Variants in ARHGEF28 observed in about 807,000 individuals in gnomAD.
ARHGEF28 encodes 190 kDa guanine nucleotide exchange factor.
In ARHGEF28, 152 loss-of-function variants were observed where a neutral mutation model predicts 206.6. The ratio of observed to expected loss-of-function variants is 0.74; its 90% CI spans 0.64 to 0.84. The LOEUF (loss-of-function observed/expected upper bound fraction) is 0.84. Ranked by LOEUF, ARHGEF28 falls within the 40% of genes least tolerant of loss-of-function variation. The probability of loss-of-function intolerance (pLI) is 0.00; values close to 1 mark genes in which losing one functional copy is unlikely to be tolerated. For missense variants in ARHGEF28, 2,028 were observed against 2,073.2 expected, an observed-to-expected ratio of 0.98 and a Z score of 0.42; for synonymous variants, 763 against 776.4, an observed-to-expected ratio of 0.98 and a Z score of 0.29.
chr5:73,666,164 A>T (rs1745942314), intron 1 of ARHGEF28, among the ~76,000 whole-genome samples: 1 of 152,232 alleles, frequency 6.6e-6, no homozygotes, highest in African/African-American at 2.4e-5. Context: ...CCTGCTCCTG[A>T]GTAAGTCTAA....
intron 10 of ARHGEF28, among the ~76,000 whole-genome samples, chr5:73,836,875 A>G (rs1223879961): frequency 1.3e-5 from 2 of 151,946 alleles, no homozygotes; most frequent in African/African-American, 2.4e-5. Flanking sequence ...TTTTTTTTGC[A>G]TGTAGCTATC....
rs371445416 is a variant in ARHGEF28 at position 73,801,721 on chromosome 5, T to C, written c.1024+6330T>C. ...GAGCTTCTGTGTAGTCCTTTCTTTTTTTCTTTTCTCTTTTTTTGGGGAGTT... is the reference window on the plus strand; with the variant it reads ...GAGCTTCTGTGTAGTCCTTTCTTTTCTTCTTTTCTCTTTTTTTGGGGAGTT... On this transcript the variant is annotated intron_variant, in intron 9 of 35. Transcript: ENST00000513042. Among the ~76,000 whole-genome samples, 269 of 152,262 alleles carry C rather than the reference T, an allele frequency of 1.8e-3. 1 individual carries two copies. Among genetic ancestry groups the C allele is most frequent in the African/African-American group, 6.0e-3 (248 of 41,554 alleles).
chr5:73,805,726 A>G (rs1181748007), intron 9 of ARHGEF28, among the ~76,000 whole-genome samples: 3 of 152,176 alleles, frequency 2.0e-5, no homozygotes, highest in Non-Finnish European at 4.4e-5. Flanking sequence ...TTCAGTTAAC[A>G]TAGATACACA....
chr5:73,869,416 G>A (rs1278611463), intron 20 of ARHGEF28, among the ~76,000 whole-genome samples: 1 of 152,076 alleles, frequency 6.6e-6, no homozygotes, highest in Non-Finnish European at 1.5e-5. Flanking sequence ...GAAGAAATTG[G>A]TGTGTTCCAG....
chr5:73,794,519 T>C, intron 8 of ARHGEF28, 65 bp downstream of exon 8: 9 of 1,329,516 alleles, frequency 6.8e-6, no homozygotes, highest in Non-Finnish European at 8.3e-6. Context: ...GAAGATTTAG[T>C]GGTAATAAAA....
intron 22 of ARHGEF28, among the ~76,000 whole-genome samples, chr5:73,879,041 C>T (rs1440578839): frequency 1.3e-5 from 2 of 152,124 alleles, no homozygotes; most frequent in East Asian, 1.9e-4. Flanking sequence ...GTTCCATTCT[C>T]CCCGTCACTT....
chr5:73,812,248 T>G (rs759501443), intron 9 of ARHGEF28, among the ~76,000 whole-genome samples: 1 of 152,166 alleles, frequency 6.6e-6, no homozygotes, highest in Non-Finnish European at 1.5e-5. Flanking sequence ...TGGAGCAGGC[T>G]ATGCAGCTAT....
chr5:73,850,853 A>T (rs866090044), intron 13 of ARHGEF28, among the ~76,000 whole-genome samples: 1 of 152,250 alleles, frequency 6.6e-6, no homozygotes, highest in South Asian at 2.1e-4. Flanking sequence ...TAGACGGTAT[A>T]TTTAAAGACA....
At position 73,736,090 on chromosome 5, in the gene ARHGEF28, G is replaced by A. The variant is rs77555377; in HGVS notation, c.34-13747G>A. Among the ~76,000 whole-genome samples, 1,133 of 152,326 alleles carry A rather than the reference G, an allele frequency of 7.4e-3. 22 individuals carry two copies. Among genetic ancestry groups the A allele is most frequent in the African/African-American group, 0.026 (1,077 of 41,570 alleles). ...TAACACAGTGCCTGACACACATCAG[G>A]TATTTATTGAATGAAGGAATAAGAG... On this transcript the variant is annotated intron_variant, in intron 2 of 35. Transcript: ENST00000513042.
At chr5:73,923,441 A>G (rs1338333840) in intron 35 of ARHGEF28, among the ~76,000 whole-genome samples, 1 of 152,230 alleles carries the variant, frequency 6.6e-6, no homozygotes, top group Non-Finnish European at 1.5e-5. Context: ...ACATCAAAGT[A>G]TGCTACTGGT....
intron 35 of ARHGEF28, among the ~76,000 whole-genome samples, chr5:73,924,962 AT>A (rs1263794268): frequency 2.0e-5 from 3 of 152,230 alleles, no homozygotes; most frequent in Non-Finnish European, 2.9e-5. Flanking sequence ...CTTCAAAGAC[AT>A]TTTTCCTCCC....
intron 1 of ARHGEF28, among the ~76,000 whole-genome samples, chr5:73,681,798 G>C (rs886847809): frequency 6.6e-6 from 1 of 151,926 alleles, no homozygotes; most frequent in Non-Finnish European, 1.5e-5. Context: ...CTGGGCAACA[G>C]AGCGAAACTC....
intron 14 of ARHGEF28, among the ~76,000 whole-genome samples, chr5:73,855,365 T>G (rs1758952788): frequency 6.6e-6 from 1 of 152,200 alleles, no homozygotes; most frequent in South Asian, 2.1e-4. Flanking sequence ...ATTTCATAAT[T>G]AATAATATTT....
At chr5:73,838,234 A>G (rs991541324) in intron 10 of ARHGEF28, among the ~76,000 whole-genome samples, 1 of 146,046 alleles carries the variant, frequency 6.8e-6, no homozygotes, top group African/African-American at 2.6e-5. Context: ...ACAAAATCAC[A>G]AAGTCCATTA....
intron 31 of ARHGEF28, chr5:73,903,045 T>C (rs777265146): frequency 3.9e-5 from 6 of 152,230 alleles, no homozygotes; most frequent in Non-Finnish European, 8.8e-5. Flanking sequence ...TTCATCTCCA[T>C]TTTCAGCCTC....
chr5:73,813,401 A>T, intron 9 of ARHGEF28: 1 of 1,221,000 alleles, frequency 8.2e-7, no homozygotes, highest in Non-Finnish European at 1.1e-6. Context: ...TTGTCGGTCT[A>T]CACGCCTGAA....
At chr5:73,661,145 T>A (rs1002908039) in intron 1 of ARHGEF28, among the ~76,000 whole-genome samples, 3 of 152,368 alleles carry the variant, frequency 2.0e-5, no homozygotes, top group African/African-American at 7.2e-5. Context: ...CTTAGCCAGA[T>A]TGGCTGGATA....
At position 73,758,578 on chromosome 5, in the gene ARHGEF28, C is replaced by T. The variant is rs368078759; in HGVS notation, c.475+5376C>T. The stretch of plus-strand genomic sequence containing the variant: ...TTTTATTTTTATTTTTTTTTTGAGA[C>T]GAAGTCTCACTCTGTTGCCCAGGCT... On this transcript the variant is annotated intron_variant, in intron 4 of 35. Transcript: ENST00000513042. 3.4e-4 allele frequency among the ~76,000 whole-genome samples: 52 copies of T among 151,524 alleles called. 1 individual carries two copies. The South Asian group carries it at 7.9e-3, about 23-fold the overall frequency.
At position 73,735,410 on chromosome 5, in the gene ARHGEF28, C is replaced by A. The variant is rs1412091055; in HGVS notation, c.34-14427C>A. On this transcript the variant is annotated intron_variant, in intron 2 of 35. Transcript: ENST00000513042. ...TAGCAGAGGCAGCCAGGATTGGAGT[C>A]CAGGTCTGCTTGAATCTTTGAGGCC... Among the ~76,000 whole-genome samples, 3 of 152,124 alleles carry A rather than the reference C, an allele frequency of 2.0e-5. No individual in the cohort carries two copies. In the East Asian group the frequency reaches 5.8e-4, roughly 29 times the overall value.
Sources: allele counts gnomAD v4.1 joint callset (sites outside exome capture counted in the v4.1 genomes callset), GRCh38; gene constraint gnomAD v4.1.1; transcripts MANE v1.5; gene names NCBI Gene and HGNC (gene_info 2026-07-23, HGNC 2026-07-21).